Variants in FXYD2 observed in about 807,000 individuals in gnomAD.
The protein encoded by FXYD2 is FXYD domain containing ion transport regulator 2, also known as sodium/potassium-transporting ATPase subunit gamma.
Under a neutral mutation model 11.8 loss-of-function variants are expected in FXYD2, and 8 were observed. The ratio of observed to expected loss-of-function variants is 0.68; its 90% CI spans 0.40 to 1.22. FXYD2 has a LOEUF of 1.22. FXYD2 is among the 50% of genes most tolerant of loss of function. The pLI is 0.01. For synonymous variants in FXYD2, 42 were observed against 33.3 expected, an observed-to-expected ratio of 1.26 and a Z score of -0.90; for missense variants, 92 against 91.8, an observed-to-expected ratio of 1.00 and a Z score of -0.01.
upstream of FXYD2, among the ~76,000 whole-genome samples, chr11:117,826,252 T>C (rs2056034130): frequency 6.6e-6 from 1 of 152,190 alleles, no homozygotes; most frequent in South Asian, 2.1e-4. Context: ...ACGGAGAGAA[T>C]GGCATGGCCC....
chr11:117,821,090 T>C (rs2055890794), intron 3 of FXYD2, among the ~76,000 whole-genome samples, 195 bp from the exon 4 acceptor site: 1 of 152,174 alleles, frequency 6.6e-6, no homozygotes, highest in South Asian at 2.1e-4. Flanking sequence ...GGGGTCTTAC[T>C]CTGTCACCCA....
At chr11:117,825,214 C>A (rs983373939), upstream of FXYD2, among the ~76,000 whole-genome samples, 1 of 152,160 alleles carries the variant, frequency 6.6e-6, no homozygotes, top group East Asian at 1.9e-4. Context: ...ACTGCTCCCC[C>A]ACCACATCCC....
rs902586268 is a variant in FXYD2 at position 117,824,475 on chromosome 11, G to A, written c.25+179C>T. The A allele has an allele frequency of 1.5e-5, 10 of 671,570 alleles. No homozygotes were observed. Among genetic ancestry groups the A allele is most frequent in the Non-Finnish European group, 2.7e-5 (10 of 365,872 alleles). The allele number at this position is 671,570 out of a possible 1,614,324, so 41.6% of individuals were successfully genotyped here. ...TATCTTTCTTTGGGGTTAAAGCAGG[G>A]TCCTCCTTTAAGTTGCAAATTTTCT... On this transcript the variant is annotated intron_variant, in intron 1 of 5. Transcript: ENST00000292079. The surrounding 1 kb of genome is among the most constrained non-coding windows in gnomAD (Gnocchi z 4.0).
In FXYD2 at chr11:117,822,179, C is replaced by T. The variant is rs533008897; in HGVS notation, c.139+227G>A. On this transcript the variant is annotated intron_variant, in intron 3 of 5. Coordinates refer to ENST00000292079, the MANE Select transcript of FXYD2 (RefSeq NM_001680.5). The surrounding 1 kb of genome is among the most constrained non-coding windows in gnomAD (Gnocchi z 4.7). ...CGTGGGTTTGCTCTCACTTCTGCGG[C>T]TCCTCCCGGGCCCACTGGAGGGTGC... is the stretch of plus-strand genomic sequence containing the variant. 2 of 1,433,612 alleles carry T rather than the reference C, an allele frequency of 1.4e-6. No individual in the cohort carries two copies. The highest frequency in any genetic ancestry group is 1.8e-6 in the Non-Finnish European group (2 of 1,093,734). 88.8% of individuals were successfully genotyped at this position (1,433,612 alleles called of 1,614,324 possible).
intron 3 of FXYD2, chr11:117,821,549 C>A (rs2055904346): frequency 2.0e-6 from 2 of 985,830 alleles, no homozygotes; most frequent in Admixed American, 6.1e-5. Context: ...ATGGCAGCAA[C>A]TCCAAAGTGG....
intron 1 of FXYD2, among the ~76,000 whole-genome samples, chr11:117,823,511 G>T (rs529494573): frequency 6.6e-6 from 1 of 152,212 alleles, no homozygotes; most frequent in Admixed American, 6.5e-5. Context: ...TCTCAATGGC[G>T]GGAGGGAAGG....
upstream of FXYD2, among the ~76,000 whole-genome samples, chr11:117,825,974 CTCAG>C (rs1415027979): frequency 6.6e-6 from 1 of 152,152 alleles, no homozygotes; most frequent in Admixed American, 6.5e-5. Flanking sequence ...ATGGTGTGGT[CTCAG>C]TCAATGACTT....
chr11:117,827,957 C>A (rs569761061), upstream of FXYD2: 1 of 1,357,746 alleles, frequency 7.4e-7, no homozygotes. Flanking sequence ...TGTGTTAGAG[C>A]CTGAGCAGGG....
chr11:117,822,734 G>A lies in FXYD2; in HGVS notation c.26-17C>T. ...GGCTGCCGCCTAGGAGAGAGCCAGA[G>A]GTGGGATGAGAGGAGTCACCGATGG... On this transcript the variant is annotated splice_polypyrimidine_tract_variant and intron_variant, in intron 1 of 5. Coordinates refer to ENST00000292079, the MANE Select transcript of FXYD2 (RefSeq NM_001680.5). The surrounding 1 kb of genome is among the most constrained non-coding windows in gnomAD (Gnocchi z 4.7). The A allele has an allele frequency of 1.2e-6, 2 of 1,607,410 alleles. No individual in the cohort carries two copies. Among genetic ancestry groups the A allele is most frequent in the Non-Finnish European group, 8.5e-7 (1 of 1,178,376 alleles).
chr11:117,827,099 G>C (rs926347969), upstream of FXYD2, among the ~76,000 whole-genome samples: 2 of 114,854 alleles, frequency 1.7e-5, no homozygotes, highest in East Asian at 6.2e-4. Flanking sequence ...TAGATAGATA[G>C]ATAGATAGAT....
upstream of FXYD2, among the ~76,000 whole-genome samples, chr11:117,825,562 T>A (rs1462104663): frequency 6.6e-6 from 1 of 152,210 alleles, no homozygotes; most frequent in Admixed American, 6.5e-5. Context: ...CCCATTTTAC[T>A]GATGAGGCAG....
chr11:117,827,775 C>T (rs2056075382), upstream of FXYD2, among the ~76,000 whole-genome samples: 3 of 152,210 alleles, frequency 2.0e-5, no homozygotes, highest in African/African-American at 7.2e-5. Flanking sequence ...GGCAGTTGGA[C>T]AGCTGCCTTC....
chr11:117,827,104 ATAG>A (rs2056059597), upstream of FXYD2, among the ~76,000 whole-genome samples: 2 of 121,782 alleles, frequency 1.6e-5, no homozygotes, highest in East Asian at 3.0e-4. Flanking sequence ...AGATAGATAG[ATAG>A]ATAGATAGAT....
upstream of FXYD2, among the ~76,000 whole-genome samples, chr11:117,826,774 G>A (rs76917578): frequency 8.2e-3 from 765 of 93,206 alleles, 6 homozygotes; most frequent in East Asian, 0.022. Context: ...CTGTCTGTCT[G>A]TCTGTCTATC....
intron 3 of FXYD2, 144 bp from the exon 4 acceptor site, chr11:117,821,039 C>A: frequency 1.1e-6 from 1 of 933,256 alleles, no homozygotes; most frequent in East Asian, 2.7e-5. Flanking sequence ...TTGACTGTCT[C>A]TATTTTATTT....
chr11:117,827,677 G>T (rs922296606), upstream of FXYD2, among the ~76,000 whole-genome samples: 1 of 152,222 alleles, frequency 6.6e-6, no homozygotes, highest in Non-Finnish European at 1.5e-5. Flanking sequence ...CAGATGGCCA[G>T]AGGGTAGGGG....
Position 117,822,538 on chromosome 11 carries a change from T to TCCCCGCAGC in FXYD2, c.65-59_65-58insGCTGCGGGG. 6.4e-7 allele frequency: 1 copy of TCCCCGCAGC among 1,556,044 alleles called. No homozygotes were observed. The highest frequency in any genetic ancestry group is 8.7e-7 in the Non-Finnish European group (1 of 1,149,188). On this transcript the variant is annotated intron_variant, in intron 2 of 5. Transcript: ENST00000292079. This position sits in a 1 kb window ranked among gnomAD's most constrained non-coding sequence, Gnocchi z 4.7. ...GGTGGTCTCTCCCAGCAGCTGTCTC[T>TCCCCGCAGC]CTCCGCAGCCTGCCCGCAGCAGCCC...
Position 117,820,675 on chromosome 11 carries a change from C to A in FXYD2, c.198G>T (p.Pro66=), listed in dbSNP as rs149353193. The A allele has an allele frequency of 4.3e-4, 694 of 1,613,904 alleles. No individual in the cohort carries two copies. Among genetic ancestry groups the A allele is most frequent in the Non-Finnish European group, 5.6e-4 (656 of 1,179,978 alleles). ...GGCCCTCCTAGCATACCTGCTGTTA[C>A]GGCTCATCTTCATTGATTTGCCTGG... ...KKRRQINEDE[P] The change falls in exon 5 of 6, where the codon CCG becomes CCT. Residue 66 remains proline (P), a synonymous_variant. Coordinates refer to ENST00000292079, the MANE Select transcript of FXYD2 (RefSeq NM_001680.5).
At chr11:117,828,079 G>A (rs376438916), upstream of FXYD2, 112 of 1,549,256 alleles carry the variant, frequency 7.2e-5, no homozygotes, top group Non-Finnish European at 9.1e-5. Context: ...CCTGGGGCCT[G>A]GATGGAGAGT....
Sources: gnomAD v4.1 joint callset for allele counts (sites outside exome capture counted in the v4.1 genomes callset) on GRCh38, gnomAD v4.1.1 for gene constraint, Gnocchi (gnomAD v3.1) non-coding constraint, MANE v1.5 for transcripts, NCBI Gene and HGNC (gene_info 2026-07-23, HGNC 2026-07-21) for gene names.